The following CFAP157 variants were observed in gnomAD, a reference collection of about 807,000 sequenced individuals.
The protein encoded by CFAP157 is cilia and flagella associated protein 157, also known as cilia- and flagella-associated protein 157.
A neutral mutation model predicts 57.8 loss-of-function variants in CFAP157; 43 were observed. The ratio of observed to expected loss-of-function variants is 0.74; its 90% confidence interval spans 0.58 to 0.96. The LOEUF is 0.96. Ranked by LOEUF, CFAP157 falls within the 40% of genes least tolerant of loss-of-function variation. The pLI, the probability that CFAP157 is intolerant of heterozygous loss-of-function variation, is 0.00. For missense variants in CFAP157, 606 were observed against 655.3 expected, an observed-to-expected ratio of 0.92 and a Z score of 0.82; for synonymous variants, 267 against 269.0, an observed-to-expected ratio of 0.99 and a Z score of 0.07.
At position 127,714,342 on chromosome 9, in the gene CFAP157, C is replaced by T. The variant is rs561739237; in HGVS notation, c.*437C>T. 6.2e-7 allele frequency: 1 copy of T among 1,614,182 alleles called. No homozygotes were observed. The highest frequency in any genetic ancestry group is 1.3e-5 in the African/African-American group (1 of 75,052). ...GCGAGGTGCTGGGGGACCCCTGGCC[C>T]ACCCGACCCAGTTGCACAACAAAAG... is the stretch of plus-strand genomic sequence containing the variant. On this transcript the variant is annotated 3_prime_UTR_variant, in exon 9 of 9. Transcript: ENST00000373295.
At chr9:127,708,494 T>C in intron 1 of CFAP157, among the ~76,000 whole-genome samples, 1 of 151,122 alleles carries the variant, frequency 6.6e-6, no homozygotes, top group African/African-American at 2.4e-5. Flanking sequence ...AATTAATTAA[T>C]TTAATTTAAT....
At chr9:127,710,198 C>T (rs1842730483) in intron 2 of CFAP157, among the ~76,000 whole-genome samples, 1 of 150,608 alleles carries the variant, frequency 6.6e-6, no homozygotes, top group Admixed American at 6.7e-5. Flanking sequence ...TCTCTTGAGC[C>T]TGGGAGGCTG....
At chr9:127,711,199 G>C in intron 3 of CFAP157, 30 bp from the exon 4 acceptor site, 1 of 1,608,054 alleles carries the variant, frequency 6.2e-7, no homozygotes, top group Non-Finnish European at 8.5e-7. Context: ...CGCTCTGTCT[G>C]ACCCCTTCCC....
rs563227495 is a variant in CFAP157, at chr9:127,715,164, C to T, written c.*1259C>T. The T allele has an allele frequency of 4.5e-5, 69 of 1,530,760 alleles. 1 individual carries two copies. In the African/African-American group the frequency reaches 6.0e-4, roughly 13 times the overall value. The allele number at this position is 1,530,760 out of a possible 1,614,324, so 94.8% of individuals were successfully genotyped here. A position where few individuals can be genotyped will look rare whatever the true frequency, so the allele number is the denominator to read the frequency against. On this transcript the variant is annotated 3_prime_UTR_variant, in exon 9 of 9. Transcript: ENST00000373295. The surrounding 1 kb of genome is among the most constrained non-coding windows in gnomAD (Gnocchi z 5.8). Reference sequence around the variant, plus strand: ...GCCATGCCCACGCTGTGTCGCGTGCCGGGCAGTCCGGGATTCCCCAGGCCA... The same window carrying T: ...GCCATGCCCACGCTGTGTCGCGTGCTGGGCAGTCCGGGATTCCCCAGGCCA...
At position 127,709,574 on chromosome 9, in the gene CFAP157, T is replaced by A; in HGVS notation, c.314T>A (p.Leu105His). 6.2e-7 allele frequency: 1 copy of A among 1,614,004 alleles called. No individual in the cohort carries two copies. The highest frequency in any genetic ancestry group is 8.5e-7 in the Non-Finnish European group (1 of 1,180,016). The change falls in exon 2 of 9, where the codon CTC becomes CAC. Residue 105 changes from leucine (L) to histidine (H), a missense_variant. Physicochemically the swap from Leu to His is moderately conservative, Grantham distance 99. Coordinates refer to ENST00000373295, the MANE Select transcript of CFAP157 (RefSeq NM_001012502.3). The surrounding 1 kb of genome is among the most constrained non-coding windows in gnomAD (Gnocchi z 4.7). ...VDEITDLNEQ[L>H]QNLQLAKEME... is the part of the protein sequence containing the mutation. The stretch of plus-strand genomic sequence containing the variant: ...GAGATCACAGACCTCAACGAGCAGC[T>A]CCAGAACTTGCAGCTAGCCAAAGAG...
chr9:127,712,101 C>A, intron 5 of CFAP157, 98 bp from the exon 6 acceptor site: 1 of 1,534,812 alleles, frequency 6.5e-7, no homozygotes, highest in East Asian at 2.3e-5. Context: ...GATGGGGGCC[C>A]CTGTGGGCTT....
chr9:127,714,976 A>C lies in CFAP157; in HGVS notation c.*1071A>C. 2 of 897,272 alleles carry C rather than the reference A, an allele frequency of 2.2e-6. No individual in the cohort carries two copies. Among genetic ancestry groups the C allele is most frequent in the African/African-American group, 3.0e-5 (1 of 32,866 alleles). The allele number at this position is 897,272 out of a possible 1,614,324, so 55.6% of individuals were successfully genotyped here. A position where few individuals can be genotyped will look rare whatever the true frequency, so the allele number is the denominator to read the frequency against. On this transcript the variant is annotated 3_prime_UTR_variant, in exon 9 of 9. Transcript: ENST00000373295. ...CCACCCCTGGCGCTCTCAACTCACCAGCCCGGGCCACGCTGCGCCCGTTGG... is the reference window on the plus strand; with the variant it reads ...CCACCCCTGGCGCTCTCAACTCACCCGCCCGGGCCACGCTGCGCCCGTTGG...
intron 4 of CFAP157, 78 bp from the exon 5 acceptor site, chr9:127,711,742 G>A (rs1466108007): frequency 1.3e-6 from 2 of 1,488,230 alleles, no homozygotes; most frequent in African/African-American, 1.4e-5. Flanking sequence ...CTGCATAGGG[G>A]AACACGGGAG....
Position 127,709,611 on chromosome 9 carries a change from T to G in CFAP157, c.351T>G (p.Asp117Glu), listed in dbSNP as rs1337884646. 2.5e-6 allele frequency: 4 copies of G among 1,613,904 alleles called. No individual in the cohort carries two copies. The South Asian group carries it at 4.4e-5, about 18-fold the overall frequency. The change falls in exon 2 of 9, where the codon GAT becomes GAG. Residue 117 changes from aspartate (D) to glutamate (E), a missense_variant. Physicochemically the swap from Asp to Glu is conservative, Grantham distance 45. Transcript: ENST00000373295. This position sits in a 1 kb window ranked among gnomAD's most constrained non-coding sequence, Gnocchi z 4.7. Reference protein sequence around the residue: ...NLQLAKEMEKDAFEAQLAQVR... With the variant: ...NLQLAKEMEKEAFEAQLAQVR... The stretch of plus-strand genomic sequence containing the variant: ...AGCTAGCCAAAGAGATGGAGAAGGA[T>G]GCCTTCGAGGCGCAGCTGGCCCAGG...
At position 127,713,402 on chromosome 9, in the gene CFAP157, G is replaced by C. The variant is rs572689343; in HGVS notation, c.1491+196G>C. On this transcript the variant is annotated intron_variant, in intron 8 of 8. Coordinates refer to ENST00000373295, the MANE Select transcript of CFAP157 (RefSeq NM_001012502.3). ...AAGCATGCCCACACATGCCCTGGGA[G>C]GGGGGTTGGCTGGACCCTGTTCTTC... The C allele has an allele frequency of 5.8e-5, 30 of 513,360 alleles. 1 individual carries two copies. The South Asian group carries it at 9.4e-4, about 16-fold the overall frequency. 31.8% of individuals were successfully genotyped at this position (513,360 alleles called of 1,614,324 possible).
chr9:127,714,246 C>G lies in CFAP157; in HGVS notation c.*341C>G. ...TGGGCCTGAACCGCCTCAGGGTGCG[C>G]CGGGCGCCCGATACCCACCCGCAGC... is the stretch of plus-strand genomic sequence containing the variant. On this transcript the variant is annotated 3_prime_UTR_variant, in exon 9 of 9. Coordinates refer to ENST00000373295, the MANE Select transcript of CFAP157 (RefSeq NM_001012502.3). 2 of 1,613,958 alleles carry G rather than the reference C, an allele frequency of 1.2e-6. No homozygotes were observed. Among genetic ancestry groups the G allele is most frequent in the Non-Finnish European group, 1.7e-6 (2 of 1,180,006 alleles).
At chr9:127,710,299 A>C (rs969573364) in intron 2 of CFAP157, among the ~76,000 whole-genome samples, 30 of 151,632 alleles carry the variant, frequency 2.0e-4, no homozygotes, top group Non-Finnish European at 3.2e-4. Flanking sequence ...AAAAAAAAAA[A>C]CAAAACAGTT....
Position 127,707,098 on chromosome 9 carries a change from A to G in CFAP157, c.67A>G (p.Lys23Glu), listed in dbSNP as rs757132518. The change falls in exon 1 of 9, where the codon AAG (lysine) becomes GAG (glutamate). Residue 23 changes from lysine (K) to glutamate (E), a missense_variant. Lys to Glu is a moderately conservative substitution (Grantham distance 56). Coordinates refer to ENST00000373295, the MANE Select transcript of CFAP157 (RefSeq NM_001012502.3). ...TGAAGTCAAGAAGAAAGGGGGCAAG[A>G]AGGAGCCGGTGGTGGCCGTGGAGCC... ...ELEVKKKGGK[K>E]EPVVAVEPPL... The G allele has an allele frequency of 3.7e-5, 59 of 1,613,812 alleles. No homozygotes were observed. Among genetic ancestry groups the G allele is most frequent in the Non-Finnish European group, 4.4e-5 (52 of 1,180,014 alleles).
intron 4 of CFAP157, 49 bp from the exon 5 acceptor site, chr9:127,711,771 C>T: frequency 6.5e-7 from 1 of 1,535,986 alleles, no homozygotes; most frequent in South Asian, 1.2e-5. Context: ...GTGTCTGCAG[C>T]TGGGGGACAG....
chr9:127,709,639 C>A lies in CFAP157; in HGVS notation c.379C>A (p.Arg127Ser). 1 of 1,613,716 alleles carries A rather than the reference C, an allele frequency of 6.2e-7. No homozygotes were observed. The highest frequency in any genetic ancestry group is 2.2e-5 in the East Asian group (1 of 44,882). Residue 127 changes from arginine (R) to serine (S), a missense_variant, in exon 2 of 9, where the codon CGC becomes AGC. Transcript: ENST00000373295. This position sits in a 1 kb window ranked among gnomAD's most constrained non-coding sequence, Gnocchi z 4.7. ...CTTCGAGGCGCAGCTGGCCCAGGTGCGCCACGAGTTCCAGGAGACCAAGGA... is the reference window on the plus strand; with the variant it reads ...CTTCGAGGCGCAGCTGGCCCAGGTGAGCCACGAGTTCCAGGAGACCAAGGA... ...DAFEAQLAQVRHEFQETKDQL... is the reference protein window; with the variant it reads ...DAFEAQLAQVSHEFQETKDQL...
rs754134625 is a variant in CFAP157, at chr9:127,710,653, G to A, written c.486G>A (p.Thr162=). Residue 162 remains threonine (T), a synonymous_variant, in exon 3 of 9, where the codon ACG becomes ACA. Transcript: ENST00000373295. ...EEFRLQKEEV[T]DKFTLLEEQV... is the part of the protein sequence containing the mutation. ...TCCGGCTGCAGAAAGAGGAGGTCAC[G>A]GACAAGTTCACATTGCTGGAGGAGC... The A allele has an allele frequency of 2.1e-5, 33 of 1,586,880 alleles. No homozygotes were observed. The highest frequency in any genetic ancestry group is 1.8e-4 in the East Asian group (8 of 43,704).
In CFAP157 at chr9:127,713,989, G is replaced by A; in HGVS notation, c.*84G>A. On this transcript the variant is annotated 3_prime_UTR_variant, in exon 9 of 9. Transcript: ENST00000373295. ...TTTAATCCGCAGGCAGCCTGGAACAGTCTAGAGGAGATTTGTATAAAAAGT... is the reference window on the plus strand; with the variant it reads ...TTTAATCCGCAGGCAGCCTGGAACAATCTAGAGGAGATTTGTATAAAAAGT... The A allele has an allele frequency of 6.3e-7, 1 of 1,576,770 alleles. No individual in the cohort carries two copies. Among genetic ancestry groups the A allele is most frequent in the Admixed American group, 1.7e-5 (1 of 59,652 alleles).
Position 127,714,819 on chromosome 9 carries a change from C to A in CFAP157, c.*914C>A. 2 of 1,084,656 alleles carry A rather than the reference C, an allele frequency of 1.8e-6. No homozygotes were observed. The highest frequency in any genetic ancestry group is 2.6e-5 in the East Asian group (1 of 38,786). The allele number at this position is 1,084,656 out of a possible 1,614,324, so 67.2% of individuals were successfully genotyped here. On this transcript the variant is annotated 3_prime_UTR_variant, in exon 9 of 9. Transcript: ENST00000373295. ...CACTTCACATATAAAGAAACTGAGG[C>A]CCCCCGAAGTACCCAAAGCCATGCA...
At position 127,715,944 on chromosome 9, in the gene CFAP157, C is replaced by A; in HGVS notation, c.*2039C>A. Reference sequence around the variant, plus strand: ...GCCCTGACTTGCGGCGAAAATCTGGCAAGTCCTTTCCCCGCTGTAGGCCTC... The same window carrying A: ...GCCCTGACTTGCGGCGAAAATCTGGAAAGTCCTTTCCCCGCTGTAGGCCTC... On this transcript the variant is annotated 3_prime_UTR_variant, in exon 9 of 9. Coordinates refer to ENST00000373295, the MANE Select transcript of CFAP157 (RefSeq NM_001012502.3). The surrounding 1 kb of genome is among the most constrained non-coding windows in gnomAD (Gnocchi z 5.8). 1 of 815,662 alleles carries A rather than the reference C, an allele frequency of 1.2e-6. No individual in the cohort carries two copies. The highest frequency in any genetic ancestry group is 1.9e-6 in the Non-Finnish European group (1 of 523,070). 50.5% of individuals were successfully genotyped at this position (815,662 alleles called of 1,614,324 possible).
Sources: gnomAD v4.1 joint callset for allele counts (sites outside exome capture counted in the v4.1 genomes callset) on GRCh38, gnomAD v4.1.1 for gene constraint, Gnocchi (gnomAD v3.1) non-coding constraint, MANE v1.5 for transcripts, NCBI Gene and HGNC (gene_info 2026-07-23, HGNC 2026-07-21) for gene names.